Variants in C8orf34 observed in about 807,000 individuals in gnomAD.
C8orf34 encodes chromosome 8 open reading frame 34, also known as uncharacterized protein C8orf34.
C8orf34 carries 65 observed loss-of-function variants against 68.3 expected under a neutral mutation model. The observed-to-expected ratio is 0.95, with a 90% CI of 0.78 to 1.17. C8orf34 has a LOEUF of 1.17. Ranked by LOEUF, C8orf34 falls within the 50% of genes most tolerant of loss-of-function variation. The pLI is 0.00. For missense variants in C8orf34, 664 were observed against 655.4 expected, an observed-to-expected ratio of 1.01 and a Z score of -0.14; for synonymous variants, 244 against 241.2, an observed-to-expected ratio of 1.01 and a Z score of -0.11.
In C8orf34 at chr8:68,798,478, A is replaced by G. The variant is rs553289408; in HGVS notation, c.1549+10942A>G. Among the ~76,000 whole-genome samples, 214 of 152,228 alleles carry G rather than the reference A, an allele frequency of 1.4e-3. 1 individual carries two copies. Among genetic ancestry groups the G allele is most frequent in the African/African-American group, 4.9e-3 (203 of 41,550 alleles). On this transcript the variant is annotated intron_variant, in intron 12 of 13. Transcript: ENST00000518698. The stretch of plus-strand genomic sequence containing the variant: ...CTAAAGCGTCTAAAAAGTTCAGGGC[A>G]TCTAAACTCTTATCAGATGATAAAT...
intron 8 of C8orf34, among the ~76,000 whole-genome samples, chr8:68,701,401 C>T (rs111904193): frequency 0.01 from 1,555 of 152,150 alleles, 33 homozygotes; most frequent in African/African-American, 0.036. Context: ...GCATTTTAAA[C>T]TTACCATATC....
intron 7 of C8orf34, among the ~76,000 whole-genome samples, chr8:68,555,065 TTC>T (rs769221821): frequency 5.6e-4 from 86 of 152,232 alleles, no homozygotes; most frequent in Non-Finnish European, 1.0e-3. Flanking sequence ...TTTAAAAAGT[TTC>T]TGTTTGTTTT....
intron 12 of C8orf34, among the ~76,000 whole-genome samples, chr8:68,796,643 C>A (rs1305880458): frequency 6.6e-6 from 1 of 151,996 alleles, no homozygotes; most frequent in Non-Finnish European, 1.5e-5. Context: ...ATGAACAGAT[C>A]AAATATAATA....
At chr8:68,412,738 C>G (rs545971071) in intron 1 of C8orf34, among the ~76,000 whole-genome samples, 1 of 152,180 alleles carries the variant, frequency 6.6e-6, no homozygotes, top group Non-Finnish European at 1.5e-5. Context: ...TCCATTTTCT[C>G]ACCCTCTGTA....
chr8:68,443,529 G>A (rs990752030), intron 2 of C8orf34, among the ~76,000 whole-genome samples: 2 of 151,942 alleles, frequency 1.3e-5, no homozygotes, highest in Admixed American at 6.5e-5. Context: ...CAAGTAGCTG[G>A]GACTACAGGC....
intron 8 of C8orf34, among the ~76,000 whole-genome samples, chr8:68,646,320 TA>T (rs1401261338): frequency 1.3e-5 from 2 of 151,814 alleles, no homozygotes; most frequent in African/African-American, 4.8e-5. Context: ...AAATTTAATT[TA>T]AAAAATGTTT....
At chr8:68,579,292 A>T (rs1011982145) in intron 7 of C8orf34, among the ~76,000 whole-genome samples, 7 of 152,190 alleles carry the variant, frequency 4.6e-5, no homozygotes, top group Admixed American at 1.3e-4. Context: ...AGCAGAATTT[A>T]AAAATTTGCT....
At chr8:68,411,353 A>T (rs553062168) in intron 1 of C8orf34, among the ~76,000 whole-genome samples, 2 of 152,200 alleles carry the variant, frequency 1.3e-5, no homozygotes, top group African/African-American at 4.8e-5. Flanking sequence ...AATATATTTC[A>T]TATGTAAAAC....
chr8:68,343,925 C>T (rs2129618152), intron 1 of C8orf34, among the ~76,000 whole-genome samples: 1 of 152,164 alleles, frequency 6.6e-6, no homozygotes, highest in East Asian at 1.9e-4. Flanking sequence ...TAGGGTTTCA[C>T]CATGTTGCTC....
intron 6 of C8orf34, chr8:68,525,473 G>T (rs1409148263): frequency 2.6e-5 from 15 of 577,330 alleles, no homozygotes; most frequent in South Asian, 7.1e-5. Flanking sequence ...ATTTCTTTTT[G>T]GTTTCCCTCT....
chr8:68,618,531 G>C (rs1304807636), intron 7 of C8orf34, among the ~76,000 whole-genome samples: 2 of 151,954 alleles, frequency 1.3e-5, no homozygotes, highest in African/African-American at 4.8e-5. Context: ...TAAATTTTCT[G>C]TAGAGACAGG....
At chr8:68,775,628 A>T (rs1304182346) in intron 10 of C8orf34, among the ~76,000 whole-genome samples, 1 of 152,228 alleles carries the variant, frequency 6.6e-6, no homozygotes, top group Non-Finnish European at 1.5e-5. Flanking sequence ...TCTGTCCTCT[A>T]TGTAAAAAAT....
intron 10 of C8orf34, among the ~76,000 whole-genome samples, chr8:68,774,982 T>G (rs985751502): frequency 6.6e-4 from 52 of 79,312 alleles, no homozygotes; most frequent in African/African-American, 1.3e-3. Flanking sequence ...CTGGGCGGGG[T>G]GGCACATGTC....
intron 9 of C8orf34, among the ~76,000 whole-genome samples, chr8:68,712,186 A>G (rs763188199): frequency 1.3e-5 from 2 of 152,080 alleles, no homozygotes; most frequent in Non-Finnish European, 2.9e-5. Flanking sequence ...TCTAAAAGGA[A>G]CTCTAAGTCC....
At chr8:68,794,951 C>T (rs1824133696) in intron 12 of C8orf34, among the ~76,000 whole-genome samples, 1 of 152,042 alleles carries the variant, frequency 6.6e-6, no homozygotes, top group Non-Finnish European at 1.5e-5. Context: ...ATAAGGGATA[C>T]TCTGTATATG....
chr8:68,359,972 G>A (rs747673727), intron 1 of C8orf34, among the ~76,000 whole-genome samples: 4 of 152,156 alleles, frequency 2.6e-5, no homozygotes, highest in Admixed American at 6.5e-5. Context: ...TGAGTGAATA[G>A]TATTTGAAGG....
intron 6 of C8orf34, chr8:68,526,000 A>C (rs2129734722): frequency 4.1e-6 from 1 of 243,862 alleles, no homozygotes; most frequent in Non-Finnish European, 7.6e-6. Flanking sequence ...ACTCTGTCAC[A>C]CAGACTGGAG....
chr8:68,668,260 A>G (rs1451192567), intron 8 of C8orf34, among the ~76,000 whole-genome samples: 1 of 152,174 alleles, frequency 6.6e-6, no homozygotes, highest in Non-Finnish European at 1.5e-5. Flanking sequence ...CAGGAGAAAT[A>G]CAAAATTTTC....
intron 7 of C8orf34, among the ~76,000 whole-genome samples, chr8:68,556,875 T>C (rs1244347205): frequency 6.6e-6 from 1 of 152,180 alleles, no homozygotes; most frequent in African/African-American, 2.4e-5. Flanking sequence ...AGTAGCCATA[T>C]ATACTCCCTT....
Sources: allele counts gnomAD v4.1 joint callset (sites outside exome capture counted in the v4.1 genomes callset), GRCh38; gene constraint gnomAD v4.1.1; transcripts MANE v1.5; gene names NCBI Gene and HGNC (gene_info 2026-07-23, HGNC 2026-07-21).